NLGN1: variants seen among roughly 807,000 people sequenced by gnomAD.
NLGN1 encodes the protein neuroligin 1.
A neutral mutation model predicts 65.5 loss-of-function variants in NLGN1; 12 were observed. That is an observed-to-expected ratio of 0.18 (90% CI 0.12 to 0.30). The LOEUF (loss-of-function observed/expected upper bound fraction) is 0.30, where lower values mean the gene tolerates loss of function less well. Among genes scored for constraint, NLGN1 ranks in the 10% least tolerant of loss-of-function variants. NLGN1 has a pLI of 1.00. For missense variants in NLGN1, 750 were observed against 1,007.1 expected, an observed-to-expected ratio of 0.74 and a Z score of 3.46; for synonymous variants, 350 against 359.5, an observed-to-expected ratio of 0.97 and a Z score of 0.30.
intron 2 of NLGN1, among the ~76,000 whole-genome samples, chr3:173,539,482 CATGTAT>C (rs1051273195): frequency 1.2e-4 from 17 of 140,220 alleles, no homozygotes; most frequent in African/African-American, 4.5e-4. Context: ...TACGCATATG[CATGTAT>C]ATGTATGTAT....
At chr3:173,540,955 C>T (rs1197866722) in intron 2 of NLGN1, among the ~76,000 whole-genome samples, 1 of 152,152 alleles carries the variant, frequency 6.6e-6, no homozygotes, top group African/African-American at 2.4e-5. Context: ...CCCACAATCA[C>T]AGTTTCTTAA....
chr3:173,973,138 A>G (rs559928615), intron 4 of NLGN1, among the ~76,000 whole-genome samples: 1 of 152,302 alleles, frequency 6.6e-6, no homozygotes, highest in South Asian at 2.1e-4. Flanking sequence ...TATATGACCC[A>G]ATGCACTGGA....
At chr3:173,845,849 TAA>T (rs939707805) in intron 4 of NLGN1, among the ~76,000 whole-genome samples, 7 of 152,188 alleles carry the variant, frequency 4.6e-5, no homozygotes, top group South Asian at 2.1e-4. Flanking sequence ...TAGTTTTTCT[TAA>T]GTGTTTTTTA....
At chr3:174,222,277 A>G (rs940096017) in intron 4 of NLGN1, among the ~76,000 whole-genome samples, 3 of 148,756 alleles carry the variant, frequency 2.0e-5, no homozygotes, top group Non-Finnish European at 4.5e-5. Flanking sequence ...AACCTCTTAG[A>G]TAGTTATAGT....
rs751701692 is a variant in NLGN1 at position 173,602,180 on chromosome 3, A to G, written c.-320-2099A>G. Among the ~76,000 whole-genome samples, 4 of 152,074 alleles carry G rather than the reference A, an allele frequency of 2.6e-5. No homozygotes were observed. The South Asian group carries it at 6.2e-4, about 24-fold the overall frequency. ...TCCACTTCATAGGGTTGTAAATGAG[A>G]CATAAATGCATGAAAACTGAGGAAT... On this transcript the variant is annotated intron_variant, in intron 2 of 6. Coordinates refer to ENST00000457714, the Ensembl canonical transcript of NLGN1.
intron 2 of NLGN1, among the ~76,000 whole-genome samples, chr3:173,459,609 T>A (rs576610787): frequency 2.2e-4 from 34 of 152,266 alleles, no homozygotes; most frequent in African/African-American, 7.7e-4. Flanking sequence ...GGAAGTTTTT[T>A]CCGGGTTCAC....
At chr3:173,471,552 AC>A (rs1009076100) in intron 2 of NLGN1, among the ~76,000 whole-genome samples, 2 of 152,124 alleles carry the variant, frequency 1.3e-5, no homozygotes, top group African/African-American at 2.4e-5. Flanking sequence ...GTCTAGCACA[AC>A]TTCATAATAA....
chr3:174,169,552 G>T (rs1042655434), intron 4 of NLGN1, among the ~76,000 whole-genome samples: 3 of 152,088 alleles, frequency 2.0e-5, no homozygotes, highest in African/African-American at 7.2e-5. Flanking sequence ...AATTAATGTG[G>T]TAGGAAGGAT....
chr3:173,658,167 G>A (rs1409591361), intron 3 of NLGN1, among the ~76,000 whole-genome samples: 1 of 151,810 alleles, frequency 6.6e-6, no homozygotes, highest in East Asian at 1.9e-4. Flanking sequence ...TAAGTCCAAG[G>A]CACCCCATAT....
At chr3:173,886,104 C>G (rs1734280603) in intron 4 of NLGN1, among the ~76,000 whole-genome samples, 1 of 152,130 alleles carries the variant, frequency 6.6e-6, no homozygotes. Context: ...CACACAGACT[C>G]TTATGCAACC....
intron 4 of NLGN1, among the ~76,000 whole-genome samples, chr3:174,108,549 A>G (rs1025218485): frequency 1.3e-5 from 2 of 152,116 alleles, no homozygotes; most frequent in South Asian, 4.1e-4. Flanking sequence ...AACTATTGCA[A>G]TAGGAAAGAA....
intron 2 of NLGN1, among the ~76,000 whole-genome samples, chr3:173,553,067 A>G (rs924645069): frequency 1.3e-5 from 2 of 152,162 alleles, no homozygotes; most frequent in African/African-American, 4.8e-5. Flanking sequence ...ATTAAAATTT[A>G]CGGGGCAGTG....
chr3:173,601,565 A>C (rs1455733600), intron 2 of NLGN1, among the ~76,000 whole-genome samples: 1 of 152,014 alleles, frequency 6.6e-6, no homozygotes, highest in South Asian at 2.1e-4. Flanking sequence ...ATATATGTTG[A>C]TATTTTGGGT....
intron 4 of NLGN1, among the ~76,000 whole-genome samples, chr3:174,181,920 T>C (rs963797219): frequency 3.0e-5 from 4 of 134,642 alleles, no homozygotes; most frequent in Non-Finnish European, 6.1e-5. Context: ...AAGGCTGCAG[T>C]GAGCCATGAC....
chr3:173,478,687 A>G (rs548121304), intron 2 of NLGN1, among the ~76,000 whole-genome samples: 1 of 152,214 alleles, frequency 6.6e-6, no homozygotes, highest in Non-Finnish European at 1.5e-5. Flanking sequence ...TTGGGAGGCT[A>G]AGGAGGGCGG....
intron 2 of NLGN1, among the ~76,000 whole-genome samples, chr3:173,579,705 A>G (rs1308312630): frequency 6.6e-6 from 1 of 152,240 alleles, no homozygotes; most frequent in East Asian, 1.9e-4. Context: ...CCGTAGAAAG[A>G]ACCTCTTTGT....
chr3:174,203,105 T>G (rs2152777963), intron 4 of NLGN1, among the ~76,000 whole-genome samples: 1 of 152,306 alleles, frequency 6.6e-6, no homozygotes, highest in South Asian at 2.1e-4. Context: ...AAGCACAAAC[T>G]TAAGCTCTCT....
intron 3 of NLGN1, among the ~76,000 whole-genome samples, chr3:173,730,499 C>T (rs1427606169): frequency 6.6e-6 from 1 of 151,898 alleles, no homozygotes; most frequent in African/African-American, 2.4e-5. Flanking sequence ...GAGATTTTTA[C>T]ACCTTTTTCA....
chr3:173,819,621 C>T (rs901300177), intron 4 of NLGN1, among the ~76,000 whole-genome samples: 8 of 152,170 alleles, frequency 5.3e-5, no homozygotes, highest in African/African-American at 1.9e-4. Context: ...GGGCTTCATT[C>T]ATCCCTCTCT....
Sources: allele counts gnomAD v4.1 joint callset (sites outside exome capture counted in the v4.1 genomes callset), GRCh38; gene constraint gnomAD v4.1.1; transcripts MANE v1.5; gene names NCBI Gene and HGNC (gene_info 2026-07-23, HGNC 2026-07-21).